Variants in OR9G4 observed in about 807,000 individuals in gnomAD.
OR9G4 encodes olfactory receptor family 9 subfamily G member 4.
A neutral mutation model predicts 16.7 loss-of-function variants in OR9G4; 19 were observed. That is an observed-to-expected ratio of 1.14 (90% CI 0.79 to 1.67). The LOEUF (loss-of-function observed/expected upper bound fraction) is 1.67, where lower values mean the gene tolerates loss of function less well. Ranked by LOEUF, OR9G4 falls within the 40% of genes most tolerant of loss-of-function variation. The pLI is 0.00. For missense variants in OR9G4, 428 were observed against 370.4 expected, an observed-to-expected ratio of 1.16 and a Z score of -1.28; for synonymous variants, 182 against 146.2, an observed-to-expected ratio of 1.24 and a Z score of -1.76.
rs1858320926 is a variant in OR9G4, at chr11:56,742,764, T to C, written c.*64A>G. 7.1e-7 allele frequency: 1 copy of C among 1,417,268 alleles called. No homozygotes were observed. The highest frequency in any genetic ancestry group is 9.7e-7 in the Non-Finnish European group (1 of 1,034,704). The allele number at this position is 1,417,268 out of a possible 1,614,324, so 87.8% of individuals were successfully genotyped here. ...CTTAATTGAACTACAGAAATGCAAA[T>C]GAACACATTTATAAGCCAATAATCT... On this transcript the variant is annotated 3_prime_UTR_variant, in exon 2 of 2. Coordinates refer to ENST00000641668, the MANE Select transcript of OR9G4 (RefSeq NM_001005284.2).
chr11:56,745,214 A>G (rs1858387847), intron 1 of OR9G4, among the ~76,000 whole-genome samples: 1 of 152,210 alleles, frequency 6.6e-6, no homozygotes, highest in African/African-American at 2.4e-5. Context: ...CAAATAAGCA[A>G]TTTCAGCCAG....
At position 56,743,743 on chromosome 11, in the gene OR9G4, G is replaced by A. The variant is rs1372976957; in HGVS notation, c.24C>T (p.Ile8=). 8.1e-6 allele frequency: 13 copies of A among 1,613,980 alleles called. No homozygotes were observed. Among genetic ancestry groups the A allele is most frequent in the Admixed American group, 6.7e-5 (4 of 60,004 alleles). Residue 8 remains isoleucine, a synonymous_variant, in exon 2 of 2, where the codon ATC becomes ATT. Coordinates refer to ENST00000641668, the MANE Select transcript of OR9G4 (RefSeq NM_001005284.2). MEVGNCT[I]LTEFILLGFS... The stretch of plus-strand genomic sequence containing the variant: ...AACCCAACAAGATGAATTCAGTCAG[G>A]ATGGTGCAATTTCCCACTTCCATGT...
chr11:56,747,851 T>G (rs1169329792), intron 1 of OR9G4, among the ~76,000 whole-genome samples: 4 of 152,150 alleles, frequency 2.6e-5, no homozygotes, highest in Non-Finnish European at 4.4e-5. Flanking sequence ...ATGTTTTGTA[T>G]TTTTAGTAAA....
chr11:56,742,805 A>G lies in OR9G4; in HGVS notation c.*23T>C. ...CCAATAATCTGGAAAATTCAATAAC[A>G]GCATTTGCAAAGAGAATAACCTTCA... On this transcript the variant is annotated 3_prime_UTR_variant, in exon 2 of 2. Coordinates refer to ENST00000641668, the MANE Select transcript of OR9G4 (RefSeq NM_001005284.2). The G allele has an allele frequency of 6.3e-7, 1 of 1,589,426 alleles. No homozygotes were observed. Among genetic ancestry groups the G allele is most frequent in the South Asian group, 1.1e-5 (1 of 87,310 alleles).
Position 56,747,904 on chromosome 11 carries a change from C to T in OR9G4, c.-23+752G>A, listed in dbSNP as rs535574222. Among the ~76,000 whole-genome samples the T allele has an allele frequency of 5.9e-5, 9 of 152,220 alleles. No individual in the cohort carries two copies. The South Asian group carries it at 1.7e-3, about 28-fold the overall frequency. ...TTGGCCAGGCTGGTCTTGAACTCCT[C>T]ACCTCGTGATCCGCCCTCCTCAGCC... On this transcript the variant is annotated intron_variant, in intron 1 of 1. Transcript: ENST00000641668.
In OR9G4 at chr11:56,743,590, C is replaced by T. The variant is rs200982312; in HGVS notation, c.177G>A (p.Met59Ile). Residue 59 changes from methionine to isoleucine, a missense_variant, in exon 2 of 2, where the codon ATG becomes ATA. Coordinates refer to ENST00000641668, the MANE Select transcript of OR9G4 (RefSeq NM_001005284.2). ...AAGACAGATTGCCAATGAAAAAGTA[C>T]ATAGGTGTATGCAAGTGGGAATCAG... ...IRTDSHLHTP[M>I]YFFIGNLSFL... is the part of the protein sequence containing the mutation. The T allele has an allele frequency of 9.3e-6, 15 of 1,614,106 alleles. No homozygotes were observed. The African/African-American group carries it at 1.2e-4, about 13-fold the overall frequency.
rs1858294564 is a variant in OR9G4 at position 56,741,311 on chromosome 11, C to G, written c.*1517G>C. ...TTGTAGATTCAATTGAATACTGATACAGTTTTTAAAATTCAGTATCTCCGA... is the reference window on the plus strand; with the variant it reads ...TTGTAGATTCAATTGAATACTGATAGAGTTTTTAAAATTCAGTATCTCCGA... On this transcript the variant is annotated 3_prime_UTR_variant, in exon 2 of 2. Transcript: ENST00000641668. 1.2e-5 allele frequency: 2 copies of G among 172,634 alleles called. No individual in the cohort carries two copies. The highest frequency in any genetic ancestry group is 2.5e-5 in the Non-Finnish European group (2 of 80,706). The allele number at this position is 172,634 out of a possible 1,614,324, so 10.7% of individuals were successfully genotyped here. A position where few individuals can be genotyped will look rare whatever the true frequency, so the allele number is the denominator to read the frequency against.
At chr11:56,748,039 C>T (rs1323533424) in intron 1 of OR9G4, among the ~76,000 whole-genome samples, 1 of 152,102 alleles carries the variant, frequency 6.6e-6, no homozygotes, top group Non-Finnish European at 1.5e-5. Flanking sequence ...GTGGACTTTC[C>T]CAGCACAGTG....
chr11:56,743,907 G>T (rs1286195975), intron 1 of OR9G4, 119 bp from the exon 2 acceptor site: 2 of 1,130,684 alleles, frequency 1.8e-6, no homozygotes, highest in South Asian at 1.6e-5. Context: ...TTACTATCTA[G>T]AATTATAGGA....
At position 56,743,609 on chromosome 11, in the gene OR9G4, G is replaced by A; in HGVS notation, c.158C>T (p.Ser53Phe). ...AAAGTACATAGGTGTATGCAAGTGG[G>A]AATCAGTTCGGATTAAGATAACCAA... ...MTLVILIRTD[S>F]HLHTPMYFFI... is the part of the protein sequence containing the mutation. Residue 53 changes from serine to phenylalanine, a missense_variant, in exon 2 of 2, where the codon TCC becomes TTC. Physicochemically the swap from Ser to Phe is radical, Grantham distance 155. Transcript: ENST00000641668. 1 of 1,614,044 alleles carries A rather than the reference G, an allele frequency of 6.2e-7. No individual in the cohort carries two copies. The highest frequency in any genetic ancestry group is 8.5e-7 in the Non-Finnish European group (1 of 1,179,946).
chr11:56,747,183 T>TTTA (rs71058030), intron 1 of OR9G4, among the ~76,000 whole-genome samples: 35,639 of 142,582 alleles, frequency 0.25, 4,764 homozygotes, highest in Middle Eastern at 0.33. Context: ...GCATCAAAGA[T>TTTA]TTATTATTAT....
chr11:56,745,086 T>C (rs1402892733), intron 1 of OR9G4, among the ~76,000 whole-genome samples: 4 of 152,236 alleles, frequency 2.6e-5, no homozygotes, highest in Non-Finnish European at 5.9e-5. Flanking sequence ...GCCCATTTTC[T>C]GGACAGAACA....
chr11:56,743,973 A>G (rs1413129017), intron 1 of OR9G4, 185 bp from the exon 2 acceptor site: 1 of 627,876 alleles, frequency 1.6e-6, no homozygotes, highest in African/African-American at 1.8e-5. Context: ...TAATTTGAAA[A>G]TTAGGAATTT....
intron 1 of OR9G4, among the ~76,000 whole-genome samples, chr11:56,745,543 G>T (rs980868064): frequency 6.6e-6 from 1 of 152,076 alleles, no homozygotes; most frequent in African/African-American, 2.4e-5. Flanking sequence ...ACTTTAGGAG[G>T]CTGAGGCAGG....
Position 56,742,312 on chromosome 11 carries a change from T to C in OR9G4, c.*516A>G, listed in dbSNP as rs1858313792. ...ACTCTTAAACATCTTCCTAATATTCTCTTTATGTAGAAGGCATGAGTTTTA... is the reference window on the plus strand; with the variant it reads ...ACTCTTAAACATCTTCCTAATATTCCCTTTATGTAGAAGGCATGAGTTTTA... On this transcript the variant is annotated 3_prime_UTR_variant, in exon 2 of 2. Transcript: ENST00000641668. The C allele has an allele frequency of 6.5e-6, 1 of 153,588 alleles. No individual in the cohort carries two copies. The highest frequency in any genetic ancestry group is 2.0e-4 in the South Asian group (1 of 4,906). The allele number at this position is 153,588 out of a possible 1,614,324, so 9.5% of individuals were successfully genotyped here.
chr11:56,748,408 A>T (rs932438014), intron 1 of OR9G4, among the ~76,000 whole-genome samples: 3 of 152,214 alleles, frequency 2.0e-5, no homozygotes, highest in African/African-American at 7.2e-5. Context: ...TGATTTTTTC[A>T]CTGTGTGAGT....
chr11:56,743,654 G>T lies in OR9G4; in HGVS notation c.113C>A (p.Thr38Asn). ...FGVFLMLYLI[T>N]LSGNMTLVIL... Reference sequence around the variant, plus strand: ...AACCAAGGTCATGTTTCCTGACAAGGTTATCAAATAGAGCATCAGAAACAC... The same window carrying T: ...AACCAAGGTCATGTTTCCTGACAAGTTTATCAAATAGAGCATCAGAAACAC... Residue 38 changes from threonine to asparagine, a missense_variant, in exon 2 of 2, where the codon ACC becomes AAC. By Grantham distance (65) the Thr-to-Asn change is moderately conservative (BLOSUM62 0). Coordinates refer to ENST00000641668, the MANE Select transcript of OR9G4 (RefSeq NM_001005284.2). 9 of 1,614,064 alleles carry T rather than the reference G, an allele frequency of 5.6e-6. No homozygotes were observed. Among genetic ancestry groups the T allele is most frequent in the East Asian group, 2.2e-5 (1 of 44,870 alleles).
intron 1 of OR9G4, among the ~76,000 whole-genome samples, chr11:56,745,154 A>G (rs146572412): frequency 3.3e-5 from 5 of 152,310 alleles, no homozygotes; most frequent in Non-Finnish European, 7.3e-5. Context: ...TATCTAACTT[A>G]ATTATAAATT....
rs1730098772 is a variant in OR9G4 at position 56,741,864 on chromosome 11, A to C, written c.*964T>G. 1 of 152,202 alleles carries C rather than the reference A, an allele frequency of 6.6e-6. No individual in the cohort carries two copies. The highest frequency in any genetic ancestry group is 1.5e-5 in the Non-Finnish European group (1 of 68,018). The allele number at this position is 152,202 out of a possible 1,614,324, so 9.4% of individuals were successfully genotyped here. On this transcript the variant is annotated 3_prime_UTR_variant, in exon 2 of 2. Coordinates refer to ENST00000641668, the MANE Select transcript of OR9G4 (RefSeq NM_001005284.2). Reference sequence around the variant, plus strand: ...CCAACCTGCCATCACAAGGGGGTTCAGTTATGGAGTTTATATCAGGGTTTA... The same window carrying C: ...CCAACCTGCCATCACAAGGGGGTTCCGTTATGGAGTTTATATCAGGGTTTA...
Sources: gnomAD v4.1 joint callset for allele counts (sites outside exome capture counted in the v4.1 genomes callset) on GRCh38, gnomAD v4.1.1 for gene constraint, MANE v1.5 for transcripts, NCBI Gene and HGNC (gene_info 2026-07-23, HGNC 2026-07-21) for gene names.